ADGRV1: variants seen among roughly 807,000 people sequenced by gnomAD.
ADGRV1 encodes adhesion G protein-coupled receptor V1.
In ADGRV1, 359 loss-of-function variants were observed where a neutral mutation model predicts 596.2. The ratio of observed to expected loss-of-function variants is 0.60; its 90% CI spans 0.55 to 0.66. ADGRV1 has a LOEUF of 0.66. Among genes scored for constraint, ADGRV1 ranks in the 30% least tolerant of loss-of-function variants. ADGRV1 has a pLI of 0.00. For missense variants in ADGRV1, 7,274 were observed against 7,575.6 expected, an observed-to-expected ratio of 0.96 and a Z score of 1.48; for synonymous variants, 2,681 against 2,679.2, an observed-to-expected ratio of 1.00 and a Z score of -0.02.
intron 85 of ADGRV1, among the ~76,000 whole-genome samples, chr5:91,056,870 C>T (rs1195888026): frequency 3.3e-5 from 5 of 152,120 alleles, no homozygotes; most frequent in South Asian, 2.1e-4. Flanking sequence ...ATAAGAAAAT[C>T]GCTCGAATTT....
intron 83 of ADGRV1, among the ~76,000 whole-genome samples, chr5:90,921,333 A>G (rs1242568468): frequency 6.6e-6 from 1 of 151,666 alleles, no homozygotes; most frequent in Non-Finnish European, 1.5e-5. Context: ...TTATTTATTT[A>G]TTTATTGCTT....
intron 41 of ADGRV1, 74 bp downstream of exon 41, chr5:90,711,396 ATT>A: frequency 9.0e-7 from 1 of 1,111,222 alleles, no homozygotes; most frequent in East Asian, 2.6e-5. Flanking sequence ...AATTACAGTG[ATT>A]TAGGTCCCAT....
In ADGRV1 at chr5:90,745,097, C is replaced by T. The variant is rs778374104; in HGVS notation, c.10601C>T (p.Ser3534Leu). ...QDMSALYCWN[S>L]ERNQFSFVLE... ...ATGTCTGCTCTTTACTGCTGGAATT[C>T]GGAGCGTAATCAATTCTCTTTTGTT... Residue 3534 changes from serine (S) to leucine (L), a missense_variant, in exon 51 of 90, where the codon TCG (serine) becomes TTG (leucine). This residue lies in a region of ADGRV1 where 3,643 missense variants were observed against 3,809.2 expected (regional missense o/e 0.96). Coordinates refer to ENST00000405460, the MANE Select transcript of ADGRV1 (RefSeq NM_032119.4). The T allele has an allele frequency of 2.7e-5, 43 of 1,613,570 alleles. No individual in the cohort carries two copies. The highest frequency in any genetic ancestry group is 1.1e-4 in the South Asian group (10 of 91,058).
At chr5:90,688,267 A>G (rs1745963473) in intron 29 of ADGRV1, among the ~76,000 whole-genome samples, 1 of 152,204 alleles carries the variant, frequency 6.6e-6, no homozygotes, top group African/African-American at 2.4e-5. Flanking sequence ...CTGATCTTTG[A>G]CAAACCTGAG....
At chr5:90,696,409 C>G (rs1033016952) in intron 33 of ADGRV1, among the ~76,000 whole-genome samples, 1 of 152,138 alleles carries the variant, frequency 6.6e-6, no homozygotes, top group Non-Finnish European at 1.5e-5. Flanking sequence ...AGATGCATCT[C>G]ATTTAGGCTG....
In ADGRV1 at chr5:90,791,066, A is replaced by G. The variant is rs749890542; in HGVS notation, c.14237A>G (p.Glu4746Gly). Residue 4746 changes from glutamate (E) to glycine (G), a missense_variant, in exon 70 of 90, where the codon GAG (glutamate) becomes GGG (glycine). Glu to Gly is a moderately conservative substitution (Grantham distance 98). This residue lies in a region of ADGRV1 where 1,874 missense variants were observed against 1,970.2 expected (regional missense o/e 0.95). Transcript: ENST00000405460. Reference sequence around the variant, plus strand: ...GAGGGAGGAGCCGAACTGGATCTGGAGAAGAGTATCACATGGTTCTCTGTT... The same window carrying G: ...GAGGGAGGAGCCGAACTGGATCTGGGGAAGAGTATCACATGGTTCTCTGTT... The part of the protein sequence containing the change: ...SVEGGAELDL[E>G]KSITWFSVYA... The G allele has an allele frequency of 3.1e-6, 5 of 1,613,958 alleles. No individual in the cohort carries two copies. Among genetic ancestry groups the G allele is most frequent in the East Asian group, 2.2e-5 (1 of 44,866 alleles).
chr5:90,822,864 C>G (rs1032823113), intron 75 of ADGRV1, among the ~76,000 whole-genome samples: 4 of 152,048 alleles, frequency 2.6e-5, no homozygotes, highest in Non-Finnish European at 4.4e-5. Flanking sequence ...AAGTTGGATT[C>G]CTAGGTATTT....
intron 87 of ADGRV1, among the ~76,000 whole-genome samples, chr5:91,112,344 T>C (rs1017649592): frequency 1.3e-5 from 2 of 152,192 alleles, no homozygotes; most frequent in Non-Finnish European, 2.9e-5. Context: ...TTTTTTCCTG[T>C]GATTTTTCCA....
chr5:90,907,564 C>G (rs923184189), intron 83 of ADGRV1, among the ~76,000 whole-genome samples: 2 of 151,906 alleles, frequency 1.3e-5, no homozygotes, highest in Non-Finnish European at 2.9e-5. Flanking sequence ...TATCTTTTTC[C>G]TTGTGGATTC....
At chr5:90,631,477 A>T (rs1765493825) in intron 9 of ADGRV1, among the ~76,000 whole-genome samples, 1 of 152,096 alleles carries the variant, frequency 6.6e-6, no homozygotes, top group African/African-American at 2.4e-5. Context: ...ACCTACACAG[A>T]GGGAGGCATT....
chr5:90,748,681 T>A (rs1216914662), intron 52 of ADGRV1, among the ~76,000 whole-genome samples: 2 of 152,178 alleles, frequency 1.3e-5, no homozygotes, highest in Non-Finnish European at 2.9e-5. Context: ...TCTTCAGATC[T>A]CTGCAAAATG....
intron 27 of ADGRV1, among the ~76,000 whole-genome samples, 176 bp from the exon 28 acceptor site, chr5:90,683,408 ACT>A (rs1175049595): frequency 6.6e-6 from 1 of 151,414 alleles, no homozygotes; most frequent in African/African-American, 2.4e-5. Context: ...TATTTGTAAG[ACT>A]CTCTGTGGGC....
At chr5:90,922,913 T>C (rs1774019204) in intron 83 of ADGRV1, among the ~76,000 whole-genome samples, 2 of 152,190 alleles carry the variant, frequency 1.3e-5, no homozygotes, top group Admixed American at 1.3e-4. Flanking sequence ...AACTGTATCT[T>C]GTTCAATGTG....
intron 83 of ADGRV1, among the ~76,000 whole-genome samples, chr5:90,878,522 C>T (rs762989866): frequency 3.4e-4 from 52 of 152,320 alleles, no homozygotes; most frequent in Admixed American, 5.2e-4. Flanking sequence ...GAAACAGTCA[C>T]CCAGCATCTA....
At chr5:90,742,161 G>A (rs1754035480) in intron 50 of ADGRV1, among the ~76,000 whole-genome samples, 1 of 152,190 alleles carries the variant, frequency 6.6e-6, no homozygotes, top group South Asian at 2.1e-4. Context: ...AGTTTTACAA[G>A]TAGCAGGGAA....
At chr5:90,913,340 CA>C (rs1561931402) in intron 83 of ADGRV1, among the ~76,000 whole-genome samples, 1 of 152,190 alleles carries the variant, frequency 6.6e-6, no homozygotes, top group East Asian at 1.9e-4. Flanking sequence ...GCCCAAAGTA[CA>C]AGCCTGAATT....
chr5:90,867,872 T>G (rs1411874576), intron 83 of ADGRV1, among the ~76,000 whole-genome samples: 1 of 152,228 alleles, frequency 6.6e-6, no homozygotes, highest in African/African-American at 2.4e-5. Context: ...AGAATATCCT[T>G]TGTTATTTCT....
At chr5:90,875,442 C>T (rs529655299) in intron 83 of ADGRV1, among the ~76,000 whole-genome samples, 17 of 152,192 alleles carry the variant, frequency 1.1e-4, no homozygotes, top group Admixed American at 5.2e-4. Context: ...AACTTCTCTT[C>T]GTGTTAAAAC....
At chr5:90,940,475 T>A (rs1776079498) in intron 83 of ADGRV1, among the ~76,000 whole-genome samples, 1 of 152,148 alleles carries the variant, frequency 6.6e-6, no homozygotes, top group Non-Finnish European at 1.5e-5. Flanking sequence ...TACAGGTGAG[T>A]TGGCTGAGTT....
Sources: gnomAD v4.1 joint callset for allele counts (sites outside exome capture counted in the v4.1 genomes callset) on GRCh38, gnomAD v4.1.1 for gene constraint, gnomAD v4.1.1 regional missense constraint, MANE v1.5 for transcripts, NCBI Gene and HGNC (gene_info 2026-07-23, HGNC 2026-07-21) for gene names.